Variants in DOP1B observed in about 807,000 individuals in gnomAD.
DOP1B encodes the protein DOP1 leucine zipper like protein B.
DOP1B carries 174 observed loss-of-function variants against 233.5 expected under a neutral mutation model. The ratio of observed to expected loss-of-function variants is 0.75; its 90% CI spans 0.66 to 0.85. The LOEUF (loss-of-function observed/expected upper bound fraction) is 0.85. DOP1B is among the 40% of genes least tolerant of loss of function. The probability of loss-of-function intolerance (pLI) is 0.00; values close to 1 mark genes in which losing one functional copy is unlikely to be tolerated. For missense variants in DOP1B, 2,652 were observed against 2,846.6 expected, an observed-to-expected ratio of 0.93 and a Z score of 1.56; for synonymous variants, 1,190 against 1,185.6, an observed-to-expected ratio of 1.00 and a Z score of -0.08.
At position 36,160,131 on chromosome 21, in the gene DOP1B, A is replaced by T. The variant is rs535259826; in HGVS notation, c.-27+3188A>T. Among the ~76,000 whole-genome samples, 665 of 66,526 alleles carry T rather than the reference A, an allele frequency of 1.0e-2. 4 individuals are homozygous for T. Among genetic ancestry groups the T allele is most frequent in the Middle Eastern group, 0.025 (3 of 118 alleles). 43.6% of individuals were successfully genotyped at this position (66,526 alleles called of 152,430 possible). On this transcript the variant is annotated intron_variant, in intron 1 of 36. Coordinates refer to ENST00000691173, the MANE Select transcript of DOP1B (RefSeq NM_001320714.2). Reference sequence around the variant, plus strand: ...GTTTCAGAACTGAATTTTCTGGAAAAAATAATAATAATAATAATAATATGG... The same window carrying T: ...GTTTCAGAACTGAATTTTCTGGAAATAATAATAATAATAATAATAATATGG...
intron 7 of DOP1B, among the ~76,000 whole-genome samples, chr21:36,213,872 A>G (rs2123500847): frequency 6.6e-6 from 1 of 152,016 alleles, no homozygotes; most frequent in East Asian, 2.0e-4. Context: ...AACTAAATTG[A>G]TACCCATTGA....
At chr21:36,203,498 G>GT (rs1284421640) in intron 4 of DOP1B, among the ~76,000 whole-genome samples, 1 of 152,158 alleles carries the variant, frequency 6.6e-6, no homozygotes, top group Non-Finnish European at 1.5e-5. Flanking sequence ...AACCTCGGAG[G>GT]TGGAGGTTGC....
chr21:36,231,685 T>G (rs557801045), intron 14 of DOP1B, among the ~76,000 whole-genome samples: 24 of 150,652 alleles, frequency 1.6e-4, no homozygotes, highest in Admixed American at 4.6e-4. Context: ...TTTTGTTTTT[T>G]TTTTTTTTTT....
chr21:36,208,678 G>T, intron 4 of DOP1B, 37 bp from the exon 5 acceptor site: 1 of 1,595,088 alleles, frequency 6.3e-7, no homozygotes, highest in South Asian at 1.1e-5. Context: ...CGGGAAGATG[G>T]GGCGAGCCCT....
Position 36,235,866 on chromosome 21 carries a change from G to T in DOP1B, c.2623-1396G>T, listed in dbSNP as rs34216270. 1.6e-3 allele frequency among the ~76,000 whole-genome samples: 240 copies of T among 147,946 alleles called. 2 individuals are homozygous for T. Among genetic ancestry groups the T allele is most frequent in the Non-Finnish European group, 2.5e-3 (170 of 66,786 alleles). On this transcript the variant is annotated intron_variant, in intron 15 of 36. Coordinates refer to ENST00000691173, the MANE Select transcript of DOP1B (RefSeq NM_001320714.2). ...GCCATAGTGACAGCAAGGAAGTCGG[G>T]GGGGGGGCGGTCTACGTAGTCAAAA...
chr21:36,199,530 G>T (rs1422169522), intron 3 of DOP1B, among the ~76,000 whole-genome samples: 3 of 151,942 alleles, frequency 2.0e-5, no homozygotes, highest in Admixed American at 6.6e-5. Flanking sequence ...TTGGTGTGCT[G>T]CACCCATTAA....
Position 36,247,509 on chromosome 21 carries a change from C to A in DOP1B, c.4698-8C>A. The A allele has an allele frequency of 1.3e-6, 2 of 1,574,080 alleles. No individual in the cohort carries two copies. Among genetic ancestry groups the A allele is most frequent in the South Asian group, 1.2e-5 (1 of 83,276 alleles). The stretch of plus-strand genomic sequence containing the variant: ...TTCTCAAACCAGTTTCTCTTTTCTT[C>A]ACCACAGCACAACCTCCAAGAGGGA... On this transcript the variant is annotated splice_region_variant and splice_polypyrimidine_tract_variant and intron_variant, in intron 19 of 36. Transcript: ENST00000691173.
rs758277791 is a variant in DOP1B, at chr21:36,260,690, T to C, written c.5273T>C (p.Val1758Ala). The change falls in exon 24 of 37, where the codon GTG (valine) becomes GCG (alanine). Residue 1758 changes from valine to alanine, a missense_variant. Physicochemically the swap from Val to Ala is moderately conservative, Grantham distance 64 (BLOSUM62 0). This residue lies in a region of DOP1B where 2,617 missense variants were observed against 2,794.3 expected (regional missense o/e 0.94). Transcript: ENST00000691173. Reference sequence around the variant, plus strand: ...TTTCATTTTCAGAAATCGCCCCTAGTGGACATTCCTGTGTTGCAGTTTTGC... The same window carrying C: ...TTTCATTTTCAGAAATCGCCCCTAGCGGACATTCCTGTGTTGCAGTTTTGC... The part of the protein sequence containing the change: ...VKGGDEKSPL[V>A]DIPVLQFCYA... The C allele has an allele frequency of 6.2e-7, 1 of 1,614,130 alleles. No homozygotes were observed. The highest frequency in any genetic ancestry group is 8.5e-7 in the Non-Finnish European group (1 of 1,180,014).
rs542597957 is a variant in DOP1B, at chr21:36,266,961, C to T, written c.5488-3052C>T. ...TTTCCTTGTGCCCTTCACACCCTGC[C>T]CTGCCTAAGTTAGCCAATTCGCCAC... On this transcript the variant is annotated intron_variant, in intron 26 of 36. Transcript: ENST00000691173. Among the ~76,000 whole-genome samples, 9 of 152,334 alleles carry T rather than the reference C, an allele frequency of 5.9e-5. No homozygotes were observed. The East Asian group carries it at 1.5e-3, about 26-fold the overall frequency.
chr21:36,168,725 G>A (rs1290844263), intron 2 of DOP1B, among the ~76,000 whole-genome samples: 1 of 151,636 alleles, frequency 6.6e-6, no homozygotes, highest in African/African-American at 2.4e-5. Context: ...TACAGATGGG[G>A]TTTCACCATC....
At chr21:36,275,033 C>T (rs1467077102) in intron 27 of DOP1B, among the ~76,000 whole-genome samples, 2 of 151,956 alleles carry the variant, frequency 1.3e-5, no homozygotes. Context: ...TTGACAGAGA[C>T]AGGGTTTCAC....
At position 36,198,222 on chromosome 21, in the gene DOP1B, G is replaced by A. The variant is rs1012745930; in HGVS notation, c.139-848G>A. Among the ~76,000 whole-genome samples the A allele has an allele frequency of 8.5e-5, 13 of 152,122 alleles. 1 individual carries two copies. The highest frequency in any genetic ancestry group is 8.5e-4 in the Admixed American group (13 of 15,270). ...AGGCGGGTGGATCACAAGGTCAGGAGATTGAGACCATCCTGGCTAACGCGG... is the reference window on the plus strand; with the variant it reads ...AGGCGGGTGGATCACAAGGTCAGGAAATTGAGACCATCCTGGCTAACGCGG... On this transcript the variant is annotated intron_variant, in intron 2 of 36. Transcript: ENST00000691173.
chr21:36,277,053 T>C lies in DOP1B; in HGVS notation c.5665T>C (p.Ser1889Pro), dbSNP rs202126758. ...AAAASAMVSS[S>P]APSVYSVQAL... ...TGCAGCTTCAGCAATGGTGTCTTCA[T>C]CCGCCCCGTCGGTGTACAGCGTGCA... The change falls in exon 28 of 37, where the codon TCC becomes CCC. Residue 1889 changes from serine to proline, a missense_variant. By Grantham distance (74) the Ser-to-Pro change is moderately conservative (BLOSUM62 -1). This residue lies in a region of DOP1B where 2,617 missense variants were observed against 2,794.3 expected (regional missense o/e 0.94). Transcript: ENST00000691173. The C allele has an allele frequency of 3.7e-6, 6 of 1,614,132 alleles. No individual in the cohort carries two copies. The highest frequency in any genetic ancestry group is 5.1e-6 in the Non-Finnish European group (6 of 1,180,012).
chr21:36,262,029 C>T (rs2067177554), intron 24 of DOP1B: 1 of 918,830 alleles, frequency 1.1e-6, no homozygotes, highest in Admixed American at 6.2e-5. Context: ...GGCACAGGCT[C>T]CTTGATTCAC....
chr21:36,288,979 C>A, intron 34 of DOP1B, 66 bp from the exon 35 acceptor site: 1 of 1,572,990 alleles, frequency 6.4e-7, no homozygotes, highest in South Asian at 1.2e-5. Flanking sequence ...AGGGACAGGT[C>A]ATAGGTGAAT....
In DOP1B at chr21:36,233,041, T is replaced by C. The variant is rs768653445; in HGVS notation, c.2588T>C (p.Leu863Ser). Reference sequence around the variant, plus strand: ...GTTCCTCCCATTGCTCCAGGGATATTGAAAGTCATTGCAGAGAAAACAGAT... The same window carrying C: ...GTTCCTCCCATTGCTCCAGGGATATCGAAAGTCATTGCAGAGAAAACAGAT... Reference protein sequence around the residue: ...VTVPPIAPGILKVIAEKTDFY... With the variant: ...VTVPPIAPGISKVIAEKTDFY... The change falls in exon 15 of 37, where the codon TTG (leucine) becomes TCG (serine). Residue 863 changes from leucine (L) to serine (S), a missense_variant. Coordinates refer to ENST00000691173, the MANE Select transcript of DOP1B (RefSeq NM_001320714.2). 94 of 1,613,938 alleles carry C rather than the reference T, an allele frequency of 5.8e-5. No individual in the cohort carries two copies. Among genetic ancestry groups the C allele is most frequent in the Non-Finnish European group, 7.7e-5 (91 of 1,179,974 alleles).
chr21:36,251,482 C>T (rs1384673638), intron 22 of DOP1B, among the ~76,000 whole-genome samples, 198 bp downstream of exon 22: 3 of 152,150 alleles, frequency 2.0e-5, no homozygotes, highest in South Asian at 2.1e-4. Context: ...TGCAGTGGTG[C>T]GATCTTGGCT....
chr21:36,269,912 C>G, intron 26 of DOP1B, 101 bp from the exon 27 acceptor site: 1 of 1,234,576 alleles, frequency 8.1e-7, no homozygotes, highest in South Asian at 1.3e-5. Flanking sequence ...ATGCTCACAG[C>G]TGTGGCCTGC....
chr21:36,260,280 AAAGAAAGAAAGAAAG>A (rs2067155445), intron 23 of DOP1B, among the ~76,000 whole-genome samples: 2 of 151,026 alleles, frequency 1.3e-5, no homozygotes, highest in Admixed American at 6.6e-5. Context: ...AGAAAGAAAG[AAAGAAAGAAAGAAAG>A]AAGAATTAGA....
Sources: allele counts gnomAD v4.1 joint callset (sites outside exome capture counted in the v4.1 genomes callset), GRCh38; gene constraint gnomAD v4.1.1; regional missense constraint gnomAD v4.1.1; transcripts MANE v1.5; gene names NCBI Gene and HGNC (gene_info 2026-07-23, HGNC 2026-07-21).